The following HDAC9 variants were observed in gnomAD, a reference collection of about 807,000 sequenced individuals.
HDAC9 encodes MEF-2 interacting transcription repressor (MITR) protein.
A neutral mutation model predicts 139.4 loss-of-function variants in HDAC9; 41 were observed. That is an observed-to-expected ratio of 0.29 (90% CI 0.23 to 0.38). HDAC9 has a LOEUF of 0.38. Ranked by LOEUF, HDAC9 falls within the 10% of genes least tolerant of loss-of-function variation. The pLI, the probability that HDAC9 is intolerant of heterozygous loss-of-function variation, is 1.00. For synonymous variants in HDAC9, 517 were observed against 476.2 expected (o/e 1.09, Z -1.12); for missense variants, 1,147 against 1,297.0 (o/e 0.88, Z 1.78).
chr7:18,962,527 A>G (rs1783593230), intron 24 of HDAC9, among the ~76,000 whole-genome samples: 1 of 152,182 alleles, frequency 6.6e-6, no homozygotes. Context: ...TTTTATTCCA[A>G]CTGCGTCTGC....
rs562025213 is a variant in HDAC9 at position 18,606,046 on chromosome 7, C to T, written c.664+12017C>T. On this transcript the variant is annotated intron_variant, in intron 6 of 25. Transcript: ENST00000686413. Reference sequence around the variant, plus strand: ...CTCCAGCAATTCATGCCTCCAACACCTCATTAAAATTACCTCATTTAAATA... The same window carrying T: ...CTCCAGCAATTCATGCCTCCAACACTTCATTAAAATTACCTCATTTAAATA... 2.0e-5 allele frequency among the ~76,000 whole-genome samples: 3 copies of T among 152,262 alleles called. No individual in the cohort carries two copies. The East Asian group carries it at 5.8e-4, about 29-fold the overall frequency.
chr7:18,788,527 G>C (rs552901415), intron 16 of HDAC9, among the ~76,000 whole-genome samples: 41 of 152,224 alleles, frequency 2.7e-4, no homozygotes, highest in Middle Eastern at 3.4e-3. Context: ...GGCTGAGGCA[G>C]ACGGATCACC....
chr7:18,982,380 A>T (rs1038736937), intron 25 of HDAC9, among the ~76,000 whole-genome samples: 4 of 152,132 alleles, frequency 2.6e-5, no homozygotes, highest in Middle Eastern at 3.2e-3. Context: ...ATCATCTTCA[A>T]TAGGCTCCAT....
chr7:18,986,782 T>C (rs1331773728), intron 25 of HDAC9, among the ~76,000 whole-genome samples: 1 of 152,158 alleles, frequency 6.6e-6, no homozygotes, highest in Non-Finnish European at 1.5e-5. Flanking sequence ...GAAGAGGTCC[T>C]TCACATCCCT....
chr7:18,367,010 T>A (rs527415900), intron 1 of HDAC9, among the ~76,000 whole-genome samples: 2 of 152,264 alleles, frequency 1.3e-5, no homozygotes, highest in Non-Finnish European at 2.9e-5. Flanking sequence ...CCTTTCTATA[T>A]AACTAGTTTC....
At chr7:18,181,178 A>T (rs555096679) in intron 2 of HDAC9, among the ~76,000 whole-genome samples, 29 of 152,258 alleles carry the variant, frequency 1.9e-4, no homozygotes, top group Non-Finnish European at 3.1e-4. Context: ...GGAGGTTGTT[A>T]TTCAGCTACT....
rs1047014302 is a variant in HDAC9, at chr7:18,550,028, T to G, written c.23-35253T>G. 3.9e-5 allele frequency among the ~76,000 whole-genome samples: 6 copies of G among 152,198 alleles called. No homozygotes were observed. The East Asian group carries it at 1.2e-3, about 29-fold the overall frequency. The stretch of plus-strand genomic sequence containing the variant: ...TTTTTGGAAAGGCATTCTTTATTTT[T>G]TTTTTACCATTTTCAACTCAATTTT... On this transcript the variant is annotated intron_variant, in intron 2 of 25. Transcript: ENST00000686413.
At chr7:18,908,176 A>G (rs575790175) in intron 22 of HDAC9, among the ~76,000 whole-genome samples, 13 of 152,198 alleles carry the variant, frequency 8.5e-5, no homozygotes, top group African/African-American at 2.9e-4. Context: ...AGAAGCTCCC[A>G]GCCACATCAA....
intron 21 of HDAC9, among the ~76,000 whole-genome samples, chr7:18,848,009 A>G (rs986107624): frequency 6.6e-6 from 1 of 152,196 alleles, no homozygotes; most frequent in Non-Finnish European, 1.5e-5. Flanking sequence ...AATATGATCC[A>G]ATTTCATCCA....
At chr7:18,771,682 A>G (rs1790309432) in intron 16 of HDAC9, among the ~76,000 whole-genome samples, 2 of 151,996 alleles carry the variant, frequency 1.3e-5, no homozygotes, top group Non-Finnish European at 2.9e-5. Flanking sequence ...GGTCCTTCAC[A>G]TTTATTCTCC....
chr7:18,480,474 A>G (rs946900522), intron 1 of HDAC9, among the ~76,000 whole-genome samples: 3 of 152,312 alleles, frequency 2.0e-5, no homozygotes, highest in African/African-American at 4.8e-5. Context: ...CTTTGGGGCC[A>G]TAGAGCAACT....
intron 1 of HDAC9, among the ~76,000 whole-genome samples, chr7:18,447,841 G>A (rs919287830): frequency 3.9e-5 from 6 of 152,126 alleles, no homozygotes; most frequent in Non-Finnish European, 7.4e-5. Context: ...CAACTAGAGC[G>A]TATACAAAGG....
chr7:18,973,190 G>C (rs957460132), intron 24 of HDAC9, among the ~76,000 whole-genome samples: 3 of 152,122 alleles, frequency 2.0e-5, no homozygotes, highest in Non-Finnish European at 4.4e-5. Context: ...GAAACACCGA[G>C]CACAGTCTTG....
chr7:18,587,691 G>A (rs922712518), intron 3 of HDAC9, among the ~76,000 whole-genome samples: 5 of 152,194 alleles, frequency 3.3e-5, no homozygotes, highest in Non-Finnish European at 7.3e-5. Flanking sequence ...CCAATAAATT[G>A]TTGCTCCAAG....
At chr7:18,402,899 G>A (rs2128735890) in intron 1 of HDAC9, among the ~76,000 whole-genome samples, 1 of 152,258 alleles carries the variant, frequency 6.6e-6, no homozygotes, top group Non-Finnish European at 1.5e-5. Flanking sequence ...AAAATCCACA[G>A]GAAATCTGAT....
chr7:18,587,683 A>G lies in HDAC9; in HGVS notation c.264+2161A>G, dbSNP rs114014740. Among the ~76,000 whole-genome samples, 396 of 152,366 alleles carry G rather than the reference A, an allele frequency of 2.6e-3. 2 individuals carry two copies. The highest frequency in any genetic ancestry group is 9.0e-3 in the African/African-American group (373 of 41,594). On this transcript the variant is annotated intron_variant, in intron 3 of 25. Transcript: ENST00000686413. ...GATACCTTTCCAAGGCTACATAGCC[A>G]ATAAATTGTTGCTCCAAGATTTACA...
intron 2 of HDAC9, among the ~76,000 whole-genome samples, chr7:18,517,260 C>T (rs536413514): frequency 4.4e-4 from 67 of 152,174 alleles, no homozygotes; most frequent in South Asian, 2.1e-4. Context: ...CCTCATTTCA[C>T]GGCTTGCCAC....
chr7:18,868,597 A>C (rs144041716), intron 21 of HDAC9, among the ~76,000 whole-genome samples: 1 of 152,222 alleles, frequency 6.6e-6, no homozygotes, highest in African/African-American at 2.4e-5. Flanking sequence ...TTTTTTCTAC[A>C]GTTCCTGGCT....
intron 12 of HDAC9, among the ~76,000 whole-genome samples, chr7:18,675,732 G>A (rs1235664690): frequency 6.6e-6 from 1 of 152,010 alleles, no homozygotes. Flanking sequence ...AGGCTGCTCA[G>A]CCTCTCCTCC....
Sources: allele counts gnomAD v4.1 joint callset (sites outside exome capture counted in the v4.1 genomes callset), GRCh38; gene constraint gnomAD v4.1.1; transcripts MANE v1.5; gene names NCBI Gene and HGNC (gene_info 2026-07-23, HGNC 2026-07-21).